Variants in RAPGEF1 observed in about 807,000 individuals in gnomAD.
The protein encoded by RAPGEF1 is Rap guanine nucleotide exchange factor 1.
Under a neutral mutation model 143.3 loss-of-function variants are expected in RAPGEF1, and 33 were observed. That is an observed-to-expected ratio of 0.23 (90% CI 0.17 to 0.31). The LOEUF is 0.31. Ranked by LOEUF, RAPGEF1 falls within the 10% of genes least tolerant of loss-of-function variation. RAPGEF1 has a pLI of 1.00. For missense variants in RAPGEF1, 1,199 were observed against 1,645.4 expected (o/e 0.73, Z 4.69); for synonymous variants, 629 against 676.5 (o/e 0.93, Z 1.09).
intron 6 of RAPGEF1, 127 bp from the exon 7 acceptor site, chr9:131,629,381 TC>T: frequency 1.1e-6 from 1 of 945,864 alleles, no homozygotes. Flanking sequence ...AAGAGCAGGC[TC>T]CCTGGATATA....
chr9:131,658,324 CT>C (rs143617663), intron 1 of RAPGEF1, among the ~76,000 whole-genome samples: 8,425 of 152,220 alleles, frequency 0.055, 686 homozygotes, highest in African/African-American at 0.18. Context: ...ATGGCCATGT[CT>C]AAGAAAGGAC....
At chr9:131,689,137 G>C (rs1833591383) in intron 1 of RAPGEF1, among the ~76,000 whole-genome samples, 1 of 152,178 alleles carries the variant, frequency 6.6e-6, no homozygotes, top group Admixed American at 6.5e-5. Flanking sequence ...AAGATTAATG[G>C]TTTGAAATAT....
At chr9:131,702,447 G>A (rs1028959593) in intron 1 of RAPGEF1, among the ~76,000 whole-genome samples, 1 of 152,212 alleles carries the variant, frequency 6.6e-6, no homozygotes, top group East Asian at 1.9e-4. Flanking sequence ...TCTTAACACC[G>A]ATAATGGCTT....
At chr9:131,607,207 T>A (rs189212429) in intron 12 of RAPGEF1, among the ~76,000 whole-genome samples, 5 of 152,284 alleles carry the variant, frequency 3.3e-5, no homozygotes, top group Admixed American at 2.0e-4. Flanking sequence ...AGTGGAAGTG[T>A]CATACATGTG....
At chr9:131,731,577 C>T (rs1837076277) in intron 1 of RAPGEF1, among the ~76,000 whole-genome samples, 1 of 152,158 alleles carries the variant, frequency 6.6e-6, no homozygotes, top group Admixed American at 6.5e-5. Flanking sequence ...CACACTCCTG[C>T]TCCGTTTTTA....
chr9:131,650,056 T>C lies in RAPGEF1; in HGVS notation c.315+73A>G, dbSNP rs1162957690. On this transcript the variant is annotated intron_variant, in intron 3 of 26. Coordinates refer to ENST00000683357, the MANE Select transcript of RAPGEF1 (RefSeq NM_001377935.1). The surrounding 1 kb of genome is among the most constrained non-coding windows in gnomAD (Gnocchi z 4.7). ...TAATAGTGCAATAGAGTTTTTTCCA[T>C]CCCCAAAACCATGGACCAGGATTCT... 2 of 1,272,658 alleles carry C rather than the reference T, an allele frequency of 1.6e-6. No individual in the cohort carries two copies. Among genetic ancestry groups the C allele is most frequent in the East Asian group, 2.5e-5 (1 of 40,764 alleles). The allele number at this position is 1,272,658 out of a possible 1,614,324, so 78.8% of individuals were successfully genotyped here.
chr9:131,593,464 C>T (rs1954712331), intron 17 of RAPGEF1, among the ~76,000 whole-genome samples: 1 of 152,242 alleles, frequency 6.6e-6, no homozygotes, highest in Non-Finnish European at 1.5e-5. Flanking sequence ...GTGCTTCTCA[C>T]TGTGAGGCTG....
intron 1 of RAPGEF1, among the ~76,000 whole-genome samples, chr9:131,674,994 A>G (rs994541355): frequency 2.0e-4 from 31 of 152,218 alleles, no homozygotes; most frequent in African/African-American, 7.5e-4. Flanking sequence ...GACTCCTGGG[A>G]TGTGCAGGGA....
chr9:131,610,824 TTGTC>T (rs560206792), intron 12 of RAPGEF1, among the ~76,000 whole-genome samples: 2 of 152,158 alleles, frequency 1.3e-5, no homozygotes, highest in African/African-American at 2.4e-5. Context: ...ACCCACGTGA[TTGTC>T]TGGGGAGAAA....
At chr9:131,723,467 G>A (rs898701502) in intron 1 of RAPGEF1, among the ~76,000 whole-genome samples, 3 of 152,124 alleles carry the variant, frequency 2.0e-5, no homozygotes, top group African/African-American at 4.8e-5. Flanking sequence ...CCACCTCAGC[G>A]CCTTTCGGTT....
At chr9:131,713,119 C>T (rs1835626350) in intron 1 of RAPGEF1, among the ~76,000 whole-genome samples, 1 of 152,184 alleles carries the variant, frequency 6.6e-6, no homozygotes, top group African/African-American at 2.4e-5. Context: ...CAAAAGTGAA[C>T]TGTTACCAGA....
intron 20 of RAPGEF1, 61 bp downstream of exon 20, chr9:131,588,740 G>T: frequency 2.0e-6 from 3 of 1,502,472 alleles, no homozygotes; most frequent in African/African-American, 1.4e-5. Flanking sequence ...GGGAGGGAGG[G>T]TAAACTGAGA....
Position 131,587,729 on chromosome 9 carries a change from C to G in RAPGEF1, c.3233+7G>C, listed in dbSNP as rs1381854536. On this transcript the variant is annotated splice_region_variant and intron_variant, in intron 22 of 26. Coordinates refer to ENST00000683357, the MANE Select transcript of RAPGEF1 (RefSeq NM_001377935.1). ...AGCAACAGGGCTTGGCGCTGGGCCT[C>G]TCTTACCAGTAGGACATGTTGTTGA... 1 of 1,612,436 alleles carries G rather than the reference C, an allele frequency of 6.2e-7. No individual in the cohort carries two copies. The highest frequency in any genetic ancestry group is 8.5e-7 in the Non-Finnish European group (1 of 1,179,290).
intron 22 of RAPGEF1, 24 bp downstream of exon 22, chr9:131,587,712 G>A (rs1179623874): frequency 1.2e-6 from 2 of 1,605,868 alleles, no homozygotes; most frequent in African/African-American, 1.3e-5. Context: ...AGAGCAACAG[G>A]GCTTGGCGCT....
chr9:131,692,029 A>C (rs1451431551), intron 1 of RAPGEF1, among the ~76,000 whole-genome samples: 1 of 152,212 alleles, frequency 6.6e-6, no homozygotes, highest in Non-Finnish European at 1.5e-5. Flanking sequence ...AGTTATTTCC[A>C]TTAAGTTCAA....
In RAPGEF1 at chr9:131,628,151, G is replaced by A; in HGVS notation, c.1018-55C>T. 7.0e-7 allele frequency: 1 copy of A among 1,430,108 alleles called. No homozygotes were observed. Among genetic ancestry groups the A allele is most frequent in the Non-Finnish European group, 9.2e-7 (1 of 1,083,260 alleles). 88.6% of individuals were successfully genotyped at this position (1,430,108 alleles called of 1,614,324 possible). A position where few individuals can be genotyped will look rare whatever the true frequency, so the allele number is the denominator to read the frequency against. ...ATCACTTCTGAGAAACGGTGGCACAGACCAGGGGTGAGGCAACCGGTGCAT... is the reference window on the plus strand; with the variant it reads ...ATCACTTCTGAGAAACGGTGGCACAAACCAGGGGTGAGGCAACCGGTGCAT... On this transcript the variant is annotated intron_variant, in intron 8 of 26. Coordinates refer to ENST00000683357, the MANE Select transcript of RAPGEF1 (RefSeq NM_001377935.1). This position sits in a 1 kb window ranked among gnomAD's most constrained non-coding sequence, Gnocchi z 5.7.
At chr9:131,677,702 G>T (rs1322398246) in intron 1 of RAPGEF1, among the ~76,000 whole-genome samples, 1 of 152,160 alleles carries the variant, frequency 6.6e-6, no homozygotes, top group East Asian at 1.9e-4. Context: ...CCTCCCTTAC[G>T]CTTAAGGGTC....
At chr9:131,639,611 C>T (rs553678931) in intron 4 of RAPGEF1, among the ~76,000 whole-genome samples, 15 of 152,034 alleles carry the variant, frequency 9.9e-5, no homozygotes, top group Admixed American at 8.5e-4. Context: ...AGATAATTTT[C>T]CCTAGGAATT....
intron 1 of RAPGEF1, among the ~76,000 whole-genome samples, chr9:131,700,809 G>A (rs1012818615): frequency 6.6e-6 from 1 of 152,046 alleles, no homozygotes; most frequent in African/African-American, 2.4e-5. Context: ...CAGAAGGCTC[G>A]CTGAGCAACC....
Sources: gnomAD v4.1 joint callset for allele counts (sites outside exome capture counted in the v4.1 genomes callset) on GRCh38, gnomAD v4.1.1 for gene constraint, Gnocchi (gnomAD v3.1) non-coding constraint, MANE v1.5 for transcripts, NCBI Gene and HGNC (gene_info 2026-07-23, HGNC 2026-07-21) for gene names.